Variants in FLAD1 observed in about 807,000 individuals in gnomAD.
FLAD1 encodes bifunctional FAD diphosphatase/FAD synthase.
A neutral mutation model predicts 55.0 loss-of-function variants in FLAD1; 35 were observed. The observed-to-expected ratio is 0.64, with a 90% confidence interval of 0.49 to 0.84. The LOEUF is 0.84. Ranked by LOEUF, FLAD1 falls within the 40% of genes least tolerant of loss-of-function variation. FLAD1 has a pLI of 0.00. For missense variants in FLAD1, 665 were observed against 742.6 expected, an observed-to-expected ratio of 0.90 and a Z score of 1.21; for synonymous variants, 267 against 303.0, an observed-to-expected ratio of 0.88 and a Z score of 1.23.
Position 154,983,539 on chromosome 1 carries a change from C to A in FLAD1, c.-156C>A. On this transcript the variant is annotated 5_prime_UTR_variant, in exon 1 of 7. Coordinates refer to ENST00000292180, the MANE Select transcript of FLAD1 (RefSeq NM_025207.5). ...GCGAATGCATTGAAAAGGGCCAAGG[C>A]CCAGGATAAGGTAGACATTTAAAGG... The A allele has an allele frequency of 1.4e-6, 1 of 719,846 alleles. No homozygotes were observed. The highest frequency in any genetic ancestry group is 2.2e-6 in the Non-Finnish European group (1 of 446,736). 44.6% of individuals were successfully genotyped at this position (719,846 alleles called of 1,614,324 possible). A position where few individuals can be genotyped will look rare whatever the true frequency, so the allele number is the denominator to read the frequency against.
intron 5 of FLAD1, among the ~76,000 whole-genome samples, chr1:154,991,593 G>T (rs1657871206): frequency 6.6e-6 from 1 of 151,972 alleles, no homozygotes; most frequent in African/African-American, 2.4e-5. Context: ...AGTTGTACTA[G>T]CCACATTTCA....
chr1:154,988,021 A>G, intron 1 of FLAD1, 84 bp from the exon 2 acceptor site: 8 of 1,608,358 alleles, frequency 5.0e-6, no homozygotes, highest in Non-Finnish European at 5.1e-6. Context: ...GCACTGCATC[A>G]TCAGGTGGAT....
chr1:154,990,498 G>A lies in FLAD1; in HGVS notation c.1524G>A (p.Trp508Ter). The change falls in exon 5 of 7, where the codon TGG becomes TGA. Residue 508 changes from tryptophan (W) to a stop codon, truncating the protein, a stop_gained. Transcript: ENST00000292180. LOFTEE classifies it high-confidence loss of function. ...LCPFSPTDPGWPAFMRINPLL... is the reference protein window; with the variant it reads ...LCPFSPTDPG ...CTTTCAGCCCCACTGACCCAGGCTG[G>A]CCCGCATTCATGCGCATCAACCCAC... 6.2e-7 allele frequency: 1 copy of A among 1,610,828 alleles called. No individual in the cohort carries two copies. The highest frequency in any genetic ancestry group is 8.5e-7 in the Non-Finnish European group (1 of 1,178,380).
At chr1:154,984,914 G>A (rs778650718) in intron 1 of FLAD1, among the ~76,000 whole-genome samples, 21 of 151,908 alleles carry the variant, frequency 1.4e-4, no homozygotes, top group South Asian at 6.2e-4. Flanking sequence ...ACCTAGGCTG[G>A]AGTGCAGTGG....
chr1:154,986,218 TTTTG>T (rs746442010), intron 1 of FLAD1, among the ~76,000 whole-genome samples: 9 of 151,818 alleles, frequency 5.9e-5, no homozygotes, highest in African/African-American at 9.7e-5. Context: ...TTTGTGGGGT[TTTTG>T]TTTGTTTGTT....
intron 5 of FLAD1, 115 bp from the exon 6 acceptor site, chr1:154,992,598 C>T: frequency 1.9e-6 from 3 of 1,614,010 alleles, no homozygotes; most frequent in Non-Finnish European, 1.7e-6. Context: ...ATAGCAAGCC[C>T]TCCCTCAGAG....
In FLAD1 at chr1:154,983,534, C is replaced by A; in HGVS notation, c.-161C>A. The A allele has an allele frequency of 1.5e-6, 1 of 688,312 alleles. No individual in the cohort carries two copies. The highest frequency in any genetic ancestry group is 2.3e-5 in the South Asian group (1 of 43,020). The allele number at this position is 688,312 out of a possible 1,614,324, so 42.6% of individuals were successfully genotyped here. A position where few individuals can be genotyped will look rare whatever the true frequency, so the allele number is the denominator to read the frequency against. ...GGAGAGCGAATGCATTGAAAAGGGCCAAGGCCCAGGATAAGGTAGACATTT... is the reference window on the plus strand; with the variant it reads ...GGAGAGCGAATGCATTGAAAAGGGCAAAGGCCCAGGATAAGGTAGACATTT... On this transcript the variant is annotated 5_prime_UTR_variant, in exon 1 of 7. Transcript: ENST00000292180.
At chr1:154,987,189 C>T (rs1433972057) in intron 1 of FLAD1, among the ~76,000 whole-genome samples, 8 of 151,926 alleles carry the variant, frequency 5.3e-5, no homozygotes, top group Non-Finnish European at 2.9e-5. Flanking sequence ...CACCACGCCC[C>T]GCTAATTTTT....
chr1:154,985,387 C>G (rs1299358535), intron 1 of FLAD1, among the ~76,000 whole-genome samples: 1 of 150,754 alleles, frequency 6.6e-6, no homozygotes, highest in Non-Finnish European at 1.5e-5. Flanking sequence ...AGCCACTGCA[C>G]TCAGCCTTAA....
In FLAD1 at chr1:154,984,186, C is replaced by A. The variant is rs6696397; in HGVS notation, c.372+120C>A. 0.037 allele frequency: 31,069 copies of A among 849,416 alleles called. 930 individuals are homozygous for A. Among genetic ancestry groups the A allele is most frequent in the African/African-American group, 0.13 (7,762 of 58,130 alleles). 52.6% of individuals were successfully genotyped at this position (849,416 alleles called of 1,614,324 possible). A position where few individuals can be genotyped will look rare whatever the true frequency, so the allele number is the denominator to read the frequency against. On this transcript the variant is annotated intron_variant, in intron 1 of 6. Coordinates refer to ENST00000292180, the MANE Select transcript of FLAD1 (RefSeq NM_025207.5). ...GGGAGCCTCTTTGCTGCAGTAGGAT[C>A]CTGGAGTGAATCCAGCATATTGGAG... is the stretch of plus-strand genomic sequence containing the variant.
rs911290914 is a variant in FLAD1, at chr1:154,983,624, A to T, written c.-71A>T. The stretch of plus-strand genomic sequence containing the variant: ...GAGACCAGCTCAGCAAACGGAAGAC[A>T]CTTAAAGTGGTAGGTTCTCAAGAGA... On this transcript the variant is annotated 5_prime_UTR_variant, in exon 1 of 7. Coordinates refer to ENST00000292180, the MANE Select transcript of FLAD1 (RefSeq NM_025207.5). The T allele has an allele frequency of 2.7e-6, 4 of 1,504,074 alleles. No homozygotes were observed. The African/African-American group carries it at 5.6e-5, about 21-fold the overall frequency. The allele number at this position is 1,504,074 out of a possible 1,614,324, so 93.2% of individuals were successfully genotyped here.
Position 154,988,692 on chromosome 1 carries a change from C to T in FLAD1, c.960C>T (p.Tyr320=), listed in dbSNP as rs1558075312. 6.2e-7 allele frequency: 1 copy of T among 1,614,208 alleles called. No homozygotes were observed. The highest frequency in any genetic ancestry group is 8.5e-7 in the Non-Finnish European group (1 of 1,180,024). The change falls in exon 2 of 7, where the codon TAC becomes TAT. Residue 320 remains tyrosine (Y), a synonymous_variant. Coordinates refer to ENST00000292180, the MANE Select transcript of FLAD1 (RefSeq NM_025207.5). ...CCTACCCTGACTGGGGCAGCAACTACTATCAGGTGAAGCTGACTCTAGACT... is the reference window on the plus strand; with the variant it reads ...CCTACCCTGACTGGGGCAGCAACTATTATCAGGTGAAGCTGACTCTAGACT... ...LGSYPDWGSN[Y]YQVKLTLDSE...
intron 1 of FLAD1, among the ~76,000 whole-genome samples, chr1:154,984,662 C>T (rs1161788223): frequency 5.5e-5 from 8 of 145,238 alleles, no homozygotes; most frequent in African/African-American, 1.8e-4. Flanking sequence ...GAGCTGAGAT[C>T]GTGCCATTGC....
chr1:154,985,238 G>GTTTTTTTTGT (rs1553254019), intron 1 of FLAD1, among the ~76,000 whole-genome samples: 6 of 125,470 alleles, frequency 4.8e-5, no homozygotes, highest in African/African-American at 1.7e-4. Flanking sequence ...TGTTTTTTTT[G>GTTTTTTTTGT]TTTTTTTTTT....
rs1183723916 is a variant in FLAD1, at chr1:154,989,656, G to C, written c.1214G>C (p.Gly405Ala). 1.3e-6 allele frequency: 2 copies of C among 1,597,840 alleles called. No homozygotes were observed. Among genetic ancestry groups the C allele is most frequent in the Non-Finnish European group, 8.5e-7 (1 of 1,170,822 alleles). ...ACCCAGCTCTGTGTGGGCTTCAACG[G>C]GGGCAAAGACTGCACTGCCCTCCTG... is the stretch of plus-strand genomic sequence containing the variant. ...SLTQLCVGFN[G>A]GKDCTALLHL... Residue 405 changes from glycine (G) to alanine (A), a missense_variant, in exon 3 of 7, where the codon GGG becomes GCG. Coordinates refer to ENST00000292180, the MANE Select transcript of FLAD1 (RefSeq NM_025207.5).
chr1:154,990,427 C>T lies in FLAD1; in HGVS notation c.1453C>T (p.Leu485Phe), dbSNP rs1376131292. The change falls in exon 5 of 7, where the codon CTT becomes TTT. Residue 485 changes from leucine (L) to phenylalanine (F), a missense_variant. Physicochemically the swap from Leu to Phe is conservative, Grantham distance 22 (BLOSUM62 0). Coordinates refer to ENST00000292180, the MANE Select transcript of FLAD1 (RefSeq NM_025207.5). Reference protein sequence around the residue: ...QARHPQLEAVLMGTRRTDPYS... With the variant: ...QARHPQLEAVFMGTRRTDPYS... ...ACGGCACCCCCAGCTGGAGGCTGTC[C>T]TTATGGGCACCCGCCGGACTGACCC... is the stretch of plus-strand genomic sequence containing the variant. 1.2e-6 allele frequency: 2 copies of T among 1,614,058 alleles called. No homozygotes were observed. The highest frequency in any genetic ancestry group is 1.7e-6 in the Non-Finnish European group (2 of 1,180,028).
At chr1:154,985,459 C>T (rs1367609201) in intron 1 of FLAD1, among the ~76,000 whole-genome samples, 10 of 150,612 alleles carry the variant, frequency 6.6e-5, no homozygotes, top group East Asian at 3.9e-4. Context: ...AGTGCAGTGG[C>T]GTGATCAATT....
chr1:154,990,377 A>G lies in FLAD1; in HGVS notation c.1403A>G (p.Lys468Arg). The stretch of plus-strand genomic sequence containing the variant: ...ATGTTGGAAGCTGAGGGCAGCATGA[A>G]GCAGGCCCTGGGTGAACTGCAGGCA... The part of the protein sequence containing the change: ...LQMLEAEGSM[K>R]QALGELQARH... The change falls in exon 5 of 7, where the codon AAG (lysine) becomes AGG (arginine). Residue 468 changes from lysine (K) to arginine (R), a missense_variant. Transcript: ENST00000292180. 6.2e-7 allele frequency: 1 copy of G among 1,614,054 alleles called. No individual in the cohort carries two copies. The highest frequency in any genetic ancestry group is 8.5e-7 in the Non-Finnish European group (1 of 1,179,946).
At chr1:154,986,423 G>A (rs1215292859) in intron 1 of FLAD1, among the ~76,000 whole-genome samples, 2 of 152,058 alleles carry the variant, frequency 1.3e-5, no homozygotes, top group Non-Finnish European at 2.9e-5. Context: ...TCACCATTTT[G>A]GCCAGGCTGG....
Sources: allele counts gnomAD v4.1 joint callset (sites outside exome capture counted in the v4.1 genomes callset), GRCh38; gene constraint gnomAD v4.1.1; transcripts MANE v1.5; gene names NCBI Gene and HGNC (gene_info 2026-07-23, HGNC 2026-07-21).